The following MTUS2 variants were observed in gnomAD, a reference collection of about 807,000 sequenced individuals.
The protein encoded by MTUS2 is microtubule associated scaffold protein 2.
Under a neutral mutation model 114.1 loss-of-function variants are expected in MTUS2, and 40 were observed. That is an observed-to-expected ratio of 0.35 (90% CI 0.27 to 0.46). MTUS2 has a LOEUF of 0.46. Among genes scored for constraint, MTUS2 ranks in the 20% least tolerant of loss-of-function variants. The pLI is 1.00. For synonymous variants in MTUS2, 688 were observed against 672.0 expected, an observed-to-expected ratio of 1.02 and a Z score of -0.37; for missense variants, 1,679 against 1,705.4, an observed-to-expected ratio of 0.98 and a Z score of 0.27.
At chr13:29,169,398 A>T (rs1290991138) in intron 5 of MTUS2, among the ~76,000 whole-genome samples, 1 of 152,138 alleles carries the variant, frequency 6.6e-6, no homozygotes, top group African/African-American at 2.4e-5. Context: ...TGGAAGAGAA[A>T]ATGGTTCTGA....
intron 10 of MTUS2, chr13:29,487,696 C>G: frequency 1.7e-6 from 1 of 593,092 alleles, no homozygotes; most frequent in Non-Finnish European, 3.0e-6. Flanking sequence ...GTTGGACCCC[C>G]CTACAAAGAG....
intron 5 of MTUS2, among the ~76,000 whole-genome samples, chr13:29,112,029 A>G (rs911514921): frequency 1.3e-5 from 2 of 152,194 alleles, no homozygotes; most frequent in Non-Finnish European, 1.5e-5. Context: ...CATCCATCCT[A>G]TAACTACATC....
At chr13:29,128,981 G>A (rs1439419095) in intron 5 of MTUS2, among the ~76,000 whole-genome samples, 1 of 152,174 alleles carries the variant, frequency 6.6e-6, no homozygotes, top group Non-Finnish European at 1.5e-5. Flanking sequence ...AAAGGAAATT[G>A]TAAATGATAA....
At chr13:29,044,293 G>GA (rs60991266) in intron 4 of MTUS2, among the ~76,000 whole-genome samples, 71,327 of 151,680 alleles carry the variant, frequency 0.47, 17,258 homozygotes, top group South Asian at 0.72. Flanking sequence ...GTTTCTAGTG[G>GA]AAAATCTACT....
At chr13:28,870,021 G>A (rs1200773923) in intron 2 of MTUS2, among the ~76,000 whole-genome samples, 2 of 151,928 alleles carry the variant, frequency 1.3e-5, no homozygotes, top group Non-Finnish European at 2.9e-5. Context: ...ATATTCATGG[G>A]TATGGGTCAT....
At chr13:29,064,224 C>T (rs1414239567) in intron 4 of MTUS2, among the ~76,000 whole-genome samples, 7 of 151,934 alleles carry the variant, frequency 4.6e-5, no homozygotes, top group African/African-American at 1.7e-4. Flanking sequence ...GAGGTCCATG[C>T]GGAAGGAACA....
intron 5 of MTUS2, among the ~76,000 whole-genome samples, chr13:29,221,821 G>A (rs933155601): frequency 4.0e-5 from 6 of 151,894 alleles, no homozygotes; most frequent in African/African-American, 1.5e-4. Context: ...TTCCTTACCT[G>A]TGTTTTTTTC....
At chr13:28,993,697 T>C (rs2138347543) in intron 2 of MTUS2, among the ~76,000 whole-genome samples, 1 of 152,224 alleles carries the variant, frequency 6.6e-6, no homozygotes, top group East Asian at 1.9e-4. Flanking sequence ...GTTGACTTTA[T>C]TGAAGATGAG....
intron 8 of MTUS2, among the ~76,000 whole-genome samples, chr13:29,371,810 A>T (rs1871207108): frequency 6.6e-6 from 1 of 152,112 alleles, no homozygotes; most frequent in Non-Finnish European, 1.5e-5. Flanking sequence ...AGAGGAAGAG[A>T]AGTTGTTCCT....
chr13:29,124,385 G>T (rs1328710604), intron 5 of MTUS2, among the ~76,000 whole-genome samples: 5 of 152,066 alleles, frequency 3.3e-5, no homozygotes, highest in Non-Finnish European at 7.4e-5. Context: ...ATAAAATCTG[G>T]TTGCCATTAA....
chr13:29,018,677 T>C (rs1188935668), intron 2 of MTUS2, among the ~76,000 whole-genome samples: 1 of 152,084 alleles, frequency 6.6e-6, no homozygotes, highest in Admixed American at 6.5e-5. Context: ...GGATAACTGC[T>C]TGAGCCCAGG....
intron 2 of MTUS2, among the ~76,000 whole-genome samples, chr13:28,853,484 C>T (rs1342018653): frequency 6.6e-6 from 1 of 152,168 alleles, no homozygotes; most frequent in African/African-American, 2.4e-5. Context: ...CACAGATGGC[C>T]TCACTTGGGC....
intron 2 of MTUS2, among the ~76,000 whole-genome samples, chr13:28,963,264 T>C (rs1367672384): frequency 2.0e-5 from 3 of 152,100 alleles, no homozygotes; most frequent in African/African-American, 7.2e-5. Flanking sequence ...GGCAGGAGAA[T>C]GGCGTGAACC....
intron 2 of MTUS2, among the ~76,000 whole-genome samples, chr13:29,002,685 A>G (rs771830215): frequency 1.1e-4 from 16 of 152,216 alleles, no homozygotes; most frequent in African/African-American, 3.1e-4. Flanking sequence ...TTAGATCGTC[A>G]TGCTGAGTTC....
intron 5 of MTUS2, among the ~76,000 whole-genome samples, chr13:29,141,616 T>A (rs1892223556): frequency 1.3e-5 from 2 of 152,196 alleles, no homozygotes; most frequent in Admixed American, 1.3e-4. Context: ...AATACATACT[T>A]AATAAGGATA....
intron 5 of MTUS2, among the ~76,000 whole-genome samples, chr13:29,192,085 G>T (rs755002790): frequency 1.7e-4 from 26 of 152,196 alleles, no homozygotes; most frequent in Non-Finnish European, 3.4e-4. Flanking sequence ...CAGCATTGAT[G>T]ATACATGGGC....
At chr13:29,322,980 G>A (rs1244863267) in intron 6 of MTUS2, among the ~76,000 whole-genome samples, 1 of 152,204 alleles carries the variant, frequency 6.6e-6, no homozygotes, top group Non-Finnish European at 1.5e-5. Context: ...CATGGGGCAT[G>A]TTGGAAGAGC....
At chr13:29,478,706 C>T (rs1018262188) in intron 9 of MTUS2, among the ~76,000 whole-genome samples, 2 of 152,026 alleles carry the variant, frequency 1.3e-5, no homozygotes, top group African/African-American at 4.8e-5. Context: ...TGGAATGGAA[C>T]AGCTCCAACC....
chr13:29,013,461 G>T (rs1302786979), intron 2 of MTUS2, among the ~76,000 whole-genome samples: 1 of 152,096 alleles, frequency 6.6e-6, no homozygotes, highest in East Asian at 1.9e-4. Flanking sequence ...AGCAGATAGG[G>T]TTGCAGATAA....
Sources: gnomAD v4.1 joint callset for allele counts (sites outside exome capture counted in the v4.1 genomes callset) on GRCh38, gnomAD v4.1.1 for gene constraint, MANE v1.5 for transcripts, NCBI Gene and HGNC (gene_info 2026-07-23, HGNC 2026-07-21) for gene names.